The following EXOC6B variants were observed in gnomAD, a reference collection of about 807,000 sequenced individuals.
EXOC6B encodes exocyst complex component 6B, also known as SEC15 homolog B.
EXOC6B carries 54 observed loss-of-function variants against 113.5 expected under a neutral mutation model. That is an observed-to-expected ratio of 0.48 (90% confidence interval 0.38 to 0.60). EXOC6B has a LOEUF of 0.60. Ranked by LOEUF, EXOC6B falls within the 20% of genes least tolerant of loss-of-function variation. EXOC6B has a pLI of 0.00. For synonymous variants in EXOC6B, 357 were observed against 339.0 expected (o/e 1.05, Z -0.58); for missense variants, 797 against 977.5 (o/e 0.82, Z 2.46).
At chr2:72,686,002 G>T (rs906685260) in intron 6 of EXOC6B, among the ~76,000 whole-genome samples, 3 of 152,194 alleles carry the variant, frequency 2.0e-5, no homozygotes, top group Non-Finnish European at 4.4e-5. Context: ...ATAAGTAGCA[G>T]CTCTTACAAT....
intron 19 of EXOC6B, among the ~76,000 whole-genome samples, chr2:72,359,794 G>A (rs1279525494): frequency 6.6e-6 from 1 of 152,134 alleles, no homozygotes; most frequent in Non-Finnish European, 1.5e-5. Context: ...CTGAAGGTGA[G>A]GCCTAGTGGG....
chr2:72,323,222 CAT>C (rs1558557248), intron 20 of EXOC6B, among the ~76,000 whole-genome samples: 1 of 152,128 alleles, frequency 6.6e-6, no homozygotes, highest in South Asian at 2.1e-4. Flanking sequence ...AGCCAACAAA[CAT>C]ATGAAAAAAT....
At chr2:72,456,894 G>A (rs1479972428) in intron 18 of EXOC6B, among the ~76,000 whole-genome samples, 2 of 151,956 alleles carry the variant, frequency 1.3e-5, no homozygotes, top group Admixed American at 1.3e-4. Context: ...CTGGTTAGGA[G>A]AACTGGTAAG....
intron 19 of EXOC6B, among the ~76,000 whole-genome samples, chr2:72,359,562 C>T (rs769315902): frequency 4.6e-5 from 7 of 152,018 alleles, no homozygotes; most frequent in East Asian, 1.9e-4. Context: ...GCAGGACAAA[C>T]GGACTAAGAC....
intron 18 of EXOC6B, among the ~76,000 whole-genome samples, chr2:72,388,045 T>C (rs977280816): frequency 1.3e-5 from 2 of 152,112 alleles, no homozygotes; most frequent in Non-Finnish European, 2.9e-5. Context: ...CATGTTTGGT[T>C]GTCACAACTG....
intron 8 of EXOC6B, among the ~76,000 whole-genome samples, chr2:72,538,603 C>T (rs1334649857): frequency 6.6e-6 from 1 of 152,142 alleles, no homozygotes; most frequent in Non-Finnish European, 1.5e-5. Context: ...TCAAAAGCCA[C>T]AAGTGGCTAG....
chr2:72,297,180 T>C (rs917881870), intron 20 of EXOC6B, among the ~76,000 whole-genome samples: 1 of 152,180 alleles, frequency 6.6e-6, no homozygotes, highest in African/African-American at 2.4e-5. Flanking sequence ...ACATTTTAAA[T>C]TTCATATGTC....
In EXOC6B at chr2:72,768,797, C is replaced by A. The variant is rs1329024260; in HGVS notation, c.114-27328G>T. Among the ~76,000 whole-genome samples the A allele has an allele frequency of 2.0e-5, 3 of 151,894 alleles. No homozygotes were observed. The South Asian group carries it at 6.2e-4, about 32-fold the overall frequency. On this transcript the variant is annotated intron_variant, in intron 1 of 21. Coordinates refer to ENST00000272427, the MANE Select transcript of EXOC6B (RefSeq NM_015189.3). ...GTCCATAGTTTCAAGCCCTATAAACCCAAAGCATGATGAATGTAAAGAAAA... is the reference window on the plus strand; with the variant it reads ...GTCCATAGTTTCAAGCCCTATAAACACAAAGCATGATGAATGTAAAGAAAA...
At chr2:72,231,546 T>C (rs1681619526) in intron 20 of EXOC6B, among the ~76,000 whole-genome samples, 1 of 152,012 alleles carries the variant, frequency 6.6e-6, no homozygotes, top group African/African-American at 2.4e-5. Flanking sequence ...ATATAAAAAA[T>C]GGGCAAATAA....
chr2:72,524,763 A>G (rs1018842594), intron 8 of EXOC6B, among the ~76,000 whole-genome samples: 8 of 152,180 alleles, frequency 5.3e-5, no homozygotes, highest in African/African-American at 1.4e-4. Context: ...CACAAAAATT[A>G]AAAAGAAAAA....
chr2:72,351,250 C>T (rs1689639769), intron 19 of EXOC6B, among the ~76,000 whole-genome samples: 1 of 152,094 alleles, frequency 6.6e-6, no homozygotes, highest in South Asian at 2.1e-4. Context: ...ACAAAGAAAA[C>T]AAATTAAGAA....
intron 6 of EXOC6B, among the ~76,000 whole-genome samples, chr2:72,671,790 A>AGAAAGAAAGAAAGAAAGAAAGAAAGAAG (rs1675867190): frequency 3.7e-5 from 4 of 107,508 alleles, no homozygotes; most frequent in African/African-American, 2.0e-4. Flanking sequence ...AAAGAAAGAA[A>AGAAAGAAAGAAAGAAAGAAAGAAAGAAG]GAAAGAAAGA....
chr2:72,514,607 T>C, intron 10 of EXOC6B, 27 bp downstream of exon 10: 2 of 281,208 alleles, frequency 7.1e-6, no homozygotes, highest in Non-Finnish European at 1.3e-5. Flanking sequence ...AATAAATAAA[T>C]ATATATATAT....
intron 6 of EXOC6B, among the ~76,000 whole-genome samples, chr2:72,626,273 A>G (rs1189706391): frequency 1.3e-5 from 2 of 152,182 alleles, no homozygotes; most frequent in Admixed American, 1.3e-4. Context: ...CAAGAAGAGA[A>G]AAAACACTGT....
chr2:72,217,240 G>GT (rs1680598060), intron 20 of EXOC6B, among the ~76,000 whole-genome samples: 1 of 152,016 alleles, frequency 6.6e-6, no homozygotes, highest in Admixed American at 6.6e-5. Context: ...GAAGTTGGAG[G>GT]TTAAAAAACA....
chr2:72,388,412 G>T (rs750507604), intron 18 of EXOC6B, among the ~76,000 whole-genome samples: 1 of 152,002 alleles, frequency 6.6e-6, no homozygotes, highest in Non-Finnish European at 1.5e-5. Context: ...GACTAACATA[G>T]TCTATACAGT....
intron 20 of EXOC6B, among the ~76,000 whole-genome samples, chr2:72,196,376 C>T (rs931758288): frequency 6.6e-6 from 1 of 152,058 alleles, no homozygotes; most frequent in Non-Finnish European, 1.5e-5. Context: ...TTAGAATAAG[C>T]TAGGCTCTCT....
At chr2:72,698,130 T>C (rs1678022905) in intron 6 of EXOC6B, among the ~76,000 whole-genome samples, 1 of 151,912 alleles carries the variant, frequency 6.6e-6, no homozygotes, top group South Asian at 2.1e-4. Flanking sequence ...GTGGAGTCAC[T>C]GGAGAGGGGA....
intron 19 of EXOC6B, among the ~76,000 whole-genome samples, chr2:72,351,050 C>G (rs915946604): frequency 1.3e-5 from 2 of 151,996 alleles, no homozygotes; most frequent in African/African-American, 2.4e-5. Context: ...CATCCATTGA[C>G]GGGCAGACAG....
Sources: gnomAD v4.1 joint callset for allele counts (sites outside exome capture counted in the v4.1 genomes callset) on GRCh38, gnomAD v4.1.1 for gene constraint, MANE v1.5 for transcripts, NCBI Gene and HGNC (gene_info 2026-07-23, HGNC 2026-07-21) for gene names.